Variants in FAAH2 observed in about 807,000 individuals in gnomAD.
FAAH2 encodes fatty acid amide hydrolase 2, also known as fatty-acid amide hydrolase 2.
A neutral mutation model predicts 36.9 loss-of-function variants in FAAH2; 60 were observed. The observed-to-expected ratio is 1.63, with a 90% CI of 1.32 to 2.02. The LOEUF is 2.02. Among genes scored for constraint, FAAH2 ranks in the 30% most tolerant of loss-of-function variants. The pLI is 0.00. For synonymous variants in FAAH2, 214 were observed against 143.8 expected (o/e 1.49, Z -3.49); for missense variants, 689 against 397.5 (o/e 1.73, Z -6.23).
the FAAH2 span, among the ~76,000 whole-genome samples, chrX:57,262,861 A>G: frequency 1.8e-5 from 2 of 111,951 alleles, no homozygotes; most frequent in Non-Finnish European, 3.8e-5. Flanking sequence ...AAATAAAATT[A>G]TATGACCATA....
intron 7 of FAAH2, among the ~76,000 whole-genome samples, chrX:57,406,425 C>A (rs1483031774): frequency 2.7e-5 from 3 of 111,237 alleles, no homozygotes; most frequent in Non-Finnish European, 3.8e-5. Context: ...GCCAGCTTAC[C>A]CTGGGGTACT....
chrX:57,165,413 C>A, the FAAH2 span, among the ~76,000 whole-genome samples: 1 of 111,714 alleles, frequency 9.0e-6, no homozygotes, highest in Non-Finnish European at 1.9e-5. Context: ...AATTGGAAAT[C>A]ATCATTCTCA....
chrX:57,460,033 T>A (rs1384879052), intron 10 of FAAH2, among the ~76,000 whole-genome samples: 1 of 111,157 alleles, frequency 9.0e-6, no homozygotes, highest in East Asian at 2.8e-4. Context: ...AGAACGTGGG[T>A]GATAAAAAAC....
the FAAH2 span, among the ~76,000 whole-genome samples, chrX:57,251,908 C>T: frequency 9.0e-6 from 1 of 111,506 alleles, no homozygotes; most frequent in Non-Finnish European, 1.9e-5. Context: ...GTTGCCTCAC[C>T]CAGGAAGTGC....
the FAAH2 span, among the ~76,000 whole-genome samples, chrX:57,208,102 C>CTT: frequency 8.9e-6 from 1 of 112,719 alleles, no homozygotes; most frequent in Non-Finnish European, 1.9e-5. Context: ...CTGAATAGAA[C>CTT]TGAGAGCGGT....
intron 10 of FAAH2, among the ~76,000 whole-genome samples, chrX:57,483,267 A>G: frequency 9.0e-6 from 1 of 111,306 alleles, no homozygotes; most frequent in Non-Finnish European, 1.9e-5. Flanking sequence ...CTGATCTTCA[A>G]TCTCTGAAAT....
rs988277881 is a variant in FAAH2 at position 57,393,999 on chromosome X, C to T, written c.996+12970C>T. ...TCAGAGAACTTTCTCACTCCATTTA[C>T]TGATGGCACCAAATGAGTAAAGGTA... On this transcript the variant is annotated intron_variant, in intron 7 of 10. Coordinates refer to ENST00000374900, the MANE Select transcript of FAAH2 (RefSeq NM_174912.4). 3 of 752,307 alleles carry T rather than the reference C, an allele frequency of 4.0e-6. No homozygotes were observed. In the African/African-American group the frequency reaches 6.2e-5, roughly 16 times the overall value. The allele number at this position is 752,307 out of a possible 1,213,427, so 62.0% of individuals were successfully genotyped here.
At chrX:57,189,859 T>C in the FAAH2 span, among the ~76,000 whole-genome samples, 1 of 112,222 alleles carries the variant, frequency 8.9e-6, no homozygotes, top group African/African-American at 3.2e-5. Context: ...TCAGGAGGCA[T>C]TGGTGTCAGG....
intron 7 of FAAH2, among the ~76,000 whole-genome samples, chrX:57,400,439 A>AT (rs1169022746): frequency 8.9e-6 from 1 of 112,468 alleles, no homozygotes; most frequent in African/African-American, 3.2e-5. Context: ...TCTGTGACAT[A>AT]TAAAGAAAAG....
chrX:57,158,975 A>C, the FAAH2 span, among the ~76,000 whole-genome samples: 3 of 112,504 alleles, frequency 2.7e-5, no homozygotes, highest in East Asian at 8.3e-4. Flanking sequence ...TTATGGTTTT[A>C]GGTCTAACAT....
intron 2 of FAAH2, among the ~76,000 whole-genome samples, chrX:57,294,411 A>G (rs1374431370): frequency 8.9e-6 from 1 of 111,966 alleles, no homozygotes; most frequent in Non-Finnish European, 1.9e-5. Context: ...GAAAATAGTC[A>G]CTGCTTTTTT....
intron 10 of FAAH2, among the ~76,000 whole-genome samples, chrX:57,481,291 G>C (rs1171969022): frequency 3.6e-5 from 4 of 110,602 alleles, no homozygotes; most frequent in Non-Finnish European, 7.6e-5. Flanking sequence ...TTGCTGGAGA[G>C]GAGTTGCAAT....
chrX:57,262,101 C>T, the FAAH2 span, among the ~76,000 whole-genome samples: 1 of 110,511 alleles, frequency 9.0e-6, no homozygotes, highest in Non-Finnish European at 1.9e-5. Flanking sequence ...ACTCCTGCTA[C>T]TAAATGCAAC....
the FAAH2 span, among the ~76,000 whole-genome samples, chrX:57,141,518 C>T: frequency 9.0e-6 from 1 of 111,577 alleles, no homozygotes; most frequent in Non-Finnish European, 1.9e-5. Context: ...ATTAGTTCTT[C>T]CTTAAATTTT....
the FAAH2 span, among the ~76,000 whole-genome samples, chrX:57,194,492 TTTTA>T: frequency 8.9e-6 from 1 of 111,835 alleles, no homozygotes; most frequent in Non-Finnish European, 1.9e-5. Flanking sequence ...TTCATTTCAA[TTTTA>T]TTTATTTCTT....
At chrX:57,440,448 T>C (rs1343740399) in intron 8 of FAAH2, among the ~76,000 whole-genome samples, 1 of 111,649 alleles carries the variant, frequency 9.0e-6, no homozygotes, top group African/African-American at 3.3e-5. Flanking sequence ...TGCGCATTGA[T>C]TTTGTATCCT....
chrX:57,229,867 C>A, the FAAH2 span, among the ~76,000 whole-genome samples: 1,301 of 111,516 alleles, frequency 0.012, 19 homozygotes, highest in African/African-American at 0.041. Flanking sequence ...ACCCATTACA[C>A]TTTATTCTTG....
intron 3 of FAAH2, among the ~76,000 whole-genome samples, chrX:57,329,146 C>T (rs1031807190): frequency 8.9e-6 from 1 of 112,199 alleles, no homozygotes; most frequent in Non-Finnish European, 1.9e-5. Context: ...AGGGTGCTGA[C>T]CTTTGTGAGA....
chrX:57,193,763 TTTCAGCA>T, the FAAH2 span, among the ~76,000 whole-genome samples: 1 of 112,169 alleles, frequency 8.9e-6, no homozygotes, highest in Non-Finnish European at 1.9e-5. Context: ...TCAAATATCT[TTTCAGCA>T]TCAATTGAAA....
Sources: allele counts gnomAD v4.1 joint callset (sites outside exome capture counted in the v4.1 genomes callset), GRCh38; gene constraint gnomAD v4.1.1; transcripts MANE v1.5; gene names NCBI Gene and HGNC (gene_info 2026-07-23, HGNC 2026-07-21).